The following FIP1L1 variants were observed in gnomAD, a reference collection of about 807,000 sequenced individuals.
FIP1L1 encodes factor interacting with PAPOLA and CPSF1, also known as pre-mRNA 3'-end-processing factor FIP1.
FIP1L1 carries 21 observed loss-of-function variants against 84.6 expected under a neutral mutation model. The observed-to-expected ratio is 0.25, with a 90% CI of 0.18 to 0.36. The LOEUF (loss-of-function observed/expected upper bound fraction) is 0.36. FIP1L1 is among the 10% of genes least tolerant of loss of function. The pLI is 1.00. For missense variants in FIP1L1, 526 were observed against 751.1 expected (o/e 0.70, Z 3.50); for synonymous variants, 263 against 242.3 (o/e 1.09, Z -0.80).
intron 10 of FIP1L1, among the ~76,000 whole-genome samples, chr4:53,401,921 A>G (rs1750442236): frequency 6.6e-6 from 1 of 152,230 alleles, no homozygotes; most frequent in African/African-American, 2.4e-5. Flanking sequence ...TGAAACTACA[A>G]AATGGAATTA....
In FIP1L1 at chr4:53,377,802, TG is replaced by T; in HGVS notation, c.-36del. 1 of 1,518,964 alleles carries T rather than the reference TG, an allele frequency of 6.6e-7. No homozygotes were observed. Among genetic ancestry groups the T allele is most frequent in the South Asian group, 1.3e-5 (1 of 79,212 alleles). 94.1% of individuals were successfully genotyped at this position (1,518,964 alleles called of 1,614,324 possible). ...GGCTGGGGAAGGGGTTGGAGGGGGC[TG>T]TTGATCGCCGCGTTTAAGTTGCGCT... On this transcript the variant is annotated 5_prime_UTR_variant, in exon 1 of 18. An upstream open reading frame in the 5' UTR gains an earlier in-frame stop. Transcript: ENST00000337488.
At chr4:53,437,699 T>TTTTATTTA (rs142843702) in intron 13 of FIP1L1, among the ~76,000 whole-genome samples, 22 of 150,716 alleles carry the variant, frequency 1.5e-4, no homozygotes, top group East Asian at 5.9e-4. Flanking sequence ...TCAAGGTAGT[T>TTTTATTTA]TTTATTTATT....
At chr4:53,397,509 A>G (rs1748026977) in intron 9 of FIP1L1, among the ~76,000 whole-genome samples, 1 of 152,230 alleles carries the variant, frequency 6.6e-6, no homozygotes, top group South Asian at 2.1e-4. Context: ...TCTCATGGCT[A>G]AATTAGGTAG....
chr4:53,443,084 C>T (rs1052561136), intron 14 of FIP1L1, among the ~76,000 whole-genome samples: 1 of 151,992 alleles, frequency 6.6e-6, no homozygotes, highest in African/African-American at 2.4e-5. Context: ...TATTATGGGA[C>T]CATAGTCAAG....
At chr4:53,412,419 C>T (rs1757639449) in intron 10 of FIP1L1, among the ~76,000 whole-genome samples, 1 of 152,086 alleles carries the variant, frequency 6.6e-6, no homozygotes. Flanking sequence ...GGACTTAATC[C>T]AGTGTCACGC....
chr4:53,441,111 T>C (rs1407261668), intron 13 of FIP1L1: 1 of 152,428 alleles, frequency 6.6e-6, no homozygotes, highest in Non-Finnish European at 1.5e-5. Context: ...ATTGTTGTAA[T>C]AGTATGATCA....
intron 11 of FIP1L1, among the ~76,000 whole-genome samples, chr4:53,420,969 A>G (rs781585973): frequency 5.3e-5 from 8 of 152,210 alleles, no homozygotes; most frequent in Non-Finnish European, 2.9e-5. Flanking sequence ...GTAGTCTTCA[A>G]CTTTGACCAT....
intron 10 of FIP1L1, among the ~76,000 whole-genome samples, chr4:53,413,342 C>T (rs1447149886): frequency 6.6e-6 from 1 of 151,924 alleles, no homozygotes; most frequent in Non-Finnish European, 1.5e-5. Context: ...ACTAGGGCAT[C>T]CTTATTTCCA....
chr4:53,460,232 TACTA>T lies in FIP1L1; in HGVS notation c.*786_*789del, dbSNP rs1178438112. ...GGAGCAGCATGAGTTTTTATACAGT[TACTA>T]ACGATTGTGGAAAAAAAGAGCTTTA... On this transcript the variant is annotated 3_prime_UTR_variant, in exon 18 of 18. Transcript: ENST00000337488. The T allele has an allele frequency of 1.0e-5, 2 of 193,490 alleles. No individual in the cohort carries two copies. The highest frequency in any genetic ancestry group is 2.2e-5 in the Non-Finnish European group (2 of 92,798). 12.0% of individuals were successfully genotyped at this position (193,490 alleles called of 1,614,324 possible).
intron 10 of FIP1L1, among the ~76,000 whole-genome samples, chr4:53,405,124 G>C (rs1210462171): frequency 2.0e-5 from 3 of 152,096 alleles, no homozygotes; most frequent in Non-Finnish European, 4.4e-5. Flanking sequence ...TTTTCTTCTA[G>C]GGTTTTTATG....
At chr4:53,400,024 G>A (rs1749417832) in intron 10 of FIP1L1, among the ~76,000 whole-genome samples, 185 bp downstream of exon 10, 1 of 152,178 alleles carries the variant, frequency 6.6e-6, no homozygotes, top group African/African-American at 2.4e-5. Flanking sequence ...AAAGCCTAGG[G>A]TAAGCAAGAA....
chr4:53,391,337 A>G (rs1744154037), intron 8 of FIP1L1, 93 bp from the exon 9 acceptor site: 1 of 1,234,988 alleles, frequency 8.1e-7, no homozygotes, highest in Non-Finnish European at 1.2e-6. Context: ...CTTACTTTCA[A>G]ATCACAGACT....
At chr4:53,444,924 A>G (rs1226801466) in intron 15 of FIP1L1, among the ~76,000 whole-genome samples, 2 of 152,026 alleles carry the variant, frequency 1.3e-5, no homozygotes, top group East Asian at 3.9e-4. Flanking sequence ...GCCCTCATAA[A>G]AGTTATAGGC....
chr4:53,404,950 T>G (rs1428019489), intron 10 of FIP1L1, among the ~76,000 whole-genome samples: 1 of 151,442 alleles, frequency 6.6e-6, no homozygotes, highest in Non-Finnish European at 1.5e-5. Flanking sequence ...TTCTCCCATT[T>G]TGTAGGTTGC....
chr4:53,425,784 C>T (rs766233253), intron 11 of FIP1L1, 88 bp from the exon 12 acceptor site: 4 of 892,524 alleles, frequency 4.5e-6, no homozygotes, highest in Non-Finnish European at 6.9e-6. Context: ...TTATTGCAAA[C>T]ACATTTTGTT....
chr4:53,440,231 A>G (rs1771322381), intron 13 of FIP1L1, among the ~76,000 whole-genome samples: 1 of 152,056 alleles, frequency 6.6e-6, no homozygotes, highest in Non-Finnish European at 1.5e-5. Context: ...TTCTATTAAA[A>G]TGTTAAAATA....
At chr4:53,398,591 G>A (rs1238991844) in intron 9 of FIP1L1, among the ~76,000 whole-genome samples, 1 of 152,140 alleles carries the variant, frequency 6.6e-6, no homozygotes, top group African/African-American at 2.4e-5. Context: ...ATGGAGCAGG[G>A]AATTTAAATA....
intron 10 of FIP1L1, among the ~76,000 whole-genome samples, chr4:53,402,368 A>G (rs1750708460): frequency 6.7e-6 from 1 of 149,650 alleles, no homozygotes; most frequent in Non-Finnish European, 1.5e-5. Context: ...CTGGAGGGAA[A>G]TGTGGGGTCA....
intron 11 of FIP1L1, among the ~76,000 whole-genome samples, chr4:53,425,551 G>T (rs1172646678): frequency 2.0e-5 from 3 of 151,984 alleles, no homozygotes; most frequent in Non-Finnish European, 4.4e-5. Context: ...TCTAGCATTT[G>T]CTGTCTTATT....
Sources: gnomAD v4.1 joint callset for allele counts (sites outside exome capture counted in the v4.1 genomes callset) on GRCh38, gnomAD v4.1.1 for gene constraint, MANE v1.5 for transcripts, NCBI Gene and HGNC (gene_info 2026-07-23, HGNC 2026-07-21) for gene names.